Variants in GAREM1 observed in about 807,000 individuals in gnomAD.
GAREM1 encodes the protein GRB2 associated regulator of MAPK1 subtype 1, also known as GRB2-associated and regulator of MAPK protein 1.
A neutral mutation model predicts 71.3 loss-of-function variants in GAREM1; 26 were observed. The observed-to-expected ratio is 0.36, with a 90% confidence interval of 0.27 to 0.51. GAREM1 has a LOEUF of 0.51. Among genes scored for constraint, GAREM1 ranks in the 20% least tolerant of loss-of-function variants. GAREM1 has a pLI of 0.95. For missense variants in GAREM1, 1,026 were observed against 1,103.1 expected (o/e 0.93, Z 0.99); for synonymous variants, 440 against 433.2 (o/e 1.02, Z -0.20).
At chr18:32,393,148 T>C (rs553009067) in intron 1 of GAREM1, 113 bp from the exon 2 acceptor site, 214 of 942,726 alleles carry the variant, frequency 2.3e-4, no homozygotes, top group Admixed American at 1.8e-3. Flanking sequence ...TGACAGTTCA[T>C]CCCAAGATGA....
At chr18:32,384,104 T>C (rs915684796) in intron 2 of GAREM1, among the ~76,000 whole-genome samples, 4 of 152,176 alleles carry the variant, frequency 2.6e-5, no homozygotes, top group Non-Finnish European at 4.4e-5. Context: ...CATACACCTA[T>C]CCAAACTTTA....
At position 32,470,849 on chromosome 18, in the gene GAREM1, G is replaced by C. The variant is rs989052576; in HGVS notation, c.-421C>G. 3.3e-5 allele frequency among the ~76,000 whole-genome samples: 5 copies of C among 150,604 alleles called. No individual in the cohort carries two copies. Among genetic ancestry groups the C allele is most frequent in the Admixed American group, 2.0e-4 (3 of 15,148 alleles). The stretch of plus-strand genomic sequence containing the variant: ...GCGTGTGAGGAGGAGCCGCGGGTCT[G>C]AGAAACGCCATAGCAGCGCTCCCAG... On this transcript the variant is annotated 5_prime_UTR_variant, in exon 1 of 6. Transcript: ENST00000269209. The surrounding 1 kb of genome is among the most constrained non-coding windows in gnomAD (Gnocchi z 4.4).
At chr18:32,389,537 GT>G (rs2048176559) in intron 2 of GAREM1, among the ~76,000 whole-genome samples, 2 of 152,100 alleles carry the variant, frequency 1.3e-5, no homozygotes, top group South Asian at 4.1e-4. Context: ...AAACTTGGTT[GT>G]TTGATTACAA....
chr18:32,323,978 G>A (rs934345048), intron 2 of GAREM1, among the ~76,000 whole-genome samples: 7 of 151,708 alleles, frequency 4.6e-5, no homozygotes, highest in Non-Finnish European at 8.8e-5. Context: ...AAAAGAAAAT[G>A]AGACATAGAA....
chr18:32,424,335 G>A (rs1032748883), intron 1 of GAREM1, among the ~76,000 whole-genome samples: 5 of 152,112 alleles, frequency 3.3e-5, no homozygotes, highest in Admixed American at 6.5e-5. Flanking sequence ...GTGCAAACAC[G>A]GTTACATAAA....
At position 32,287,734 on chromosome 18, in the gene GAREM1, C is replaced by G; in HGVS notation, c.863G>C (p.Arg288Pro). 1.2e-6 allele frequency: 2 copies of G among 1,613,756 alleles called. No homozygotes were observed. The highest frequency in any genetic ancestry group is 1.7e-6 in the Non-Finnish European group (2 of 1,179,982). The change falls in exon 4 of 6, where the codon CGG becomes CCG. Residue 288 changes from arginine to proline, a missense_variant. Transcript: ENST00000269209. The surrounding 1 kb of genome is among the most constrained non-coding windows in gnomAD (Gnocchi z 5.9). ...GTGCATGGGGAGGATCTTGTTGTTCCGCAGCACACAGCAAACCACCACCGT... is the reference window on the plus strand; with the variant it reads ...GTGCATGGGGAGGATCTTGTTGTTCGGCAGCACACAGCAAACCACCACCGT... Reference protein sequence around the residue: ...TKTVVVCCVLRNNKILPMHFP... With the variant: ...TKTVVVCCVLPNNKILPMHFP...
rs778300861 is a variant in GAREM1 at position 32,287,141 on chromosome 18, G to T, written c.1456C>A (p.Arg486=). ...NRCDQFRGSV[R]SKCATSPLPI... ...AGAGGAGAAGTCGCACATTTGGATC[G>T]GACAGAACCTCTAAACTGATCACAT... is the stretch of plus-strand genomic sequence containing the variant. Residue 486 remains arginine (R), a synonymous_variant, in exon 4 of 6, where the codon CGA becomes AGA. Transcript: ENST00000269209. The surrounding 1 kb of genome is among the most constrained non-coding windows in gnomAD (Gnocchi z 5.9). 2 of 1,614,064 alleles carry T rather than the reference G, an allele frequency of 1.2e-6. No individual in the cohort carries two copies. The highest frequency in any genetic ancestry group is 3.3e-5 in the Admixed American group (2 of 60,006).
At chr18:32,394,038 A>C (rs2048228055) in intron 1 of GAREM1, among the ~76,000 whole-genome samples, 1 of 152,354 alleles carries the variant, frequency 6.6e-6, no homozygotes, top group African/African-American at 2.4e-5. Context: ...AATAAATAGA[A>C]GAGACTGTAA....
chr18:32,306,469 C>CA (rs908771230), intron 3 of GAREM1, among the ~76,000 whole-genome samples: 3 of 141,374 alleles, frequency 2.1e-5, no homozygotes, highest in African/African-American at 8.4e-5. Flanking sequence ...AGCAACCCCC[C>CA]CCACCCACTA....
At chr18:32,283,977 T>C (rs1027917012) in intron 4 of GAREM1, among the ~76,000 whole-genome samples, 4 of 152,202 alleles carry the variant, frequency 2.6e-5, no homozygotes, top group Admixed American at 6.5e-5. Context: ...CTGGGTAGGA[T>C]AGTTGGCTGG....
intron 1 of GAREM1, among the ~76,000 whole-genome samples, chr18:32,411,594 T>C (rs917036633): frequency 1.3e-5 from 2 of 152,212 alleles, no homozygotes; most frequent in Non-Finnish European, 2.9e-5. Flanking sequence ...CTGGTACCAT[T>C]ATTCAATTTA....
rs555648955 is a variant in GAREM1, at chr18:32,317,113, A to G, written c.263-6790T>C. Among the ~76,000 whole-genome samples, 9 of 152,270 alleles carry G rather than the reference A, an allele frequency of 5.9e-5. No homozygotes were observed. The South Asian group carries it at 1.7e-3, about 28-fold the overall frequency. The stretch of plus-strand genomic sequence containing the variant: ...GGCAGTGGCAAGACAAGACATTAGA[A>G]GTGAGAATGGGCCAGGCGCGGTGGC... On this transcript the variant is annotated intron_variant, in intron 2 of 5. Transcript: ENST00000269209.
intron 1 of GAREM1, among the ~76,000 whole-genome samples, chr18:32,460,115 T>TAAAAA (rs35244955): frequency 1.5e-5 from 2 of 133,434 alleles, no homozygotes; most frequent in Non-Finnish European, 1.6e-5. Flanking sequence ...TCATCTTATT[T>TAAAAA]AAAAAAAAAA....
At chr18:32,432,769 C>T (rs1305582869) in intron 1 of GAREM1, among the ~76,000 whole-genome samples, 2 of 152,016 alleles carry the variant, frequency 1.3e-5, no homozygotes, top group East Asian at 1.9e-4. Flanking sequence ...GAATAGTCTC[C>T]TATTAATGAA....
intron 1 of GAREM1, among the ~76,000 whole-genome samples, chr18:32,423,794 GTTAA>G (rs1344076736): frequency 2.0e-5 from 3 of 152,152 alleles, no homozygotes; most frequent in Admixed American, 6.5e-5. Context: ...CAACACACAA[GTTAA>G]TTATTTCATA....
chr18:32,285,875 T>C (rs2047009926), intron 4 of GAREM1, among the ~76,000 whole-genome samples: 1 of 152,168 alleles, frequency 6.6e-6, no homozygotes, highest in South Asian at 2.1e-4. Context: ...AGCCCCAGGG[T>C]TCCAGAAAGG....
intron 2 of GAREM1, among the ~76,000 whole-genome samples, chr18:32,382,876 G>A (rs917099306): frequency 6.6e-6 from 1 of 152,110 alleles, no homozygotes; most frequent in African/African-American, 2.4e-5. Context: ...ACTCCCACAC[G>A]AGGGGACCAG....
At chr18:32,395,136 T>C (rs904718313) in intron 1 of GAREM1, among the ~76,000 whole-genome samples, 2 of 152,188 alleles carry the variant, frequency 1.3e-5, no homozygotes, top group African/African-American at 4.8e-5. Flanking sequence ...CTGCACAGCA[T>C]AGTAAGTGGC....
intron 1 of GAREM1, among the ~76,000 whole-genome samples, chr18:32,446,331 TCA>T (rs1259508324): frequency 2.6e-5 from 4 of 152,022 alleles, no homozygotes; most frequent in Admixed American, 1.3e-4. Context: ...ACCAAAAGCA[TCA>T]CAGTGTTCAC....
Sources: allele counts gnomAD v4.1 joint callset (sites outside exome capture counted in the v4.1 genomes callset), GRCh38; gene constraint gnomAD v4.1.1; non-coding constraint Gnocchi (gnomAD v3.1); transcripts MANE v1.5; gene names NCBI Gene and HGNC (gene_info 2026-07-23, HGNC 2026-07-21).